The following ATXN2 variants were observed in gnomAD, a reference collection of about 807,000 sequenced individuals.
ATXN2 encodes ataxin-2.
Under a neutral mutation model 138.6 loss-of-function variants are expected in ATXN2, and 37 were observed. The ratio of observed to expected loss-of-function variants is 0.27; its 90% CI spans 0.21 to 0.35. The LOEUF is 0.35. Ranked by LOEUF, ATXN2 falls within the 10% of genes least tolerant of loss-of-function variation. The pLI, the probability that ATXN2 is intolerant of heterozygous loss-of-function variation, is 1.00. For synonymous variants in ATXN2, 549 were observed against 543.7 expected (o/e 1.01, Z -0.13); for missense variants, 1,216 against 1,480.3 (o/e 0.82, Z 2.93).
At chr12:111,555,796 A>T (rs1484592357) in intron 2 of ATXN2, 87 bp downstream of exon 2, 1 of 1,101,732 alleles carries the variant, frequency 9.1e-7, no homozygotes, top group Admixed American at 2.4e-5. Context: ...AAAAGAAGGG[A>T]ATCTTTTGCC....
intron 5 of ATXN2, among the ~76,000 whole-genome samples, chr12:111,543,121 T>C (rs1276987097): frequency 1.3e-5 from 2 of 152,170 alleles, no homozygotes; most frequent in African/African-American, 4.8e-5. Flanking sequence ...ATCTCTGTAC[T>C]GCCTCCATAC....
intron 14 of ATXN2, among the ~76,000 whole-genome samples, chr12:111,492,657 G>A (rs1878119227): frequency 6.6e-6 from 1 of 151,826 alleles, no homozygotes; most frequent in African/African-American, 2.4e-5. Context: ...ACTCCAGCCT[G>A]GGCGACAGAG....
In ATXN2 at chr12:111,579,260, CTTTA is replaced by C. The variant is rs143894346; in HGVS notation, c.251+19520_251+19523del. On this transcript the variant is annotated intron_variant, in intron 1 of 24. Coordinates refer to ENST00000673436, the MANE Select transcript of ATXN2 (RefSeq NM_001372574.1). ...ACCTGTACATAAATATTCATACCAG[CTTTA>C]TTTATTTATTTTTTTGAGACGGAGT... Among the ~76,000 whole-genome samples, 1,237 of 152,140 alleles carry C rather than the reference CTTTA, an allele frequency of 8.1e-3. 3 individuals carry two copies. The highest frequency in any genetic ancestry group is 0.01 in the Non-Finnish European group (704 of 67,988).
intron 7 of ATXN2, among the ~76,000 whole-genome samples, chr12:111,520,315 C>T (rs1880084618): frequency 6.6e-6 from 1 of 152,112 alleles, no homozygotes; most frequent in African/African-American, 2.4e-5. Context: ...AACTGTTCAC[C>T]ATAATCTCTG....
chr12:111,459,780 G>A (rs761905519), intron 21 of ATXN2, among the ~76,000 whole-genome samples: 33 of 151,442 alleles, frequency 2.2e-4, no homozygotes, highest in Non-Finnish European at 3.7e-4. Flanking sequence ...CTGTCACCCA[G>A]GCTGGAGTGC....
chr12:111,457,393 C>T (rs369927759), intron 21 of ATXN2, 34 bp from the exon 22 acceptor site: 41 of 1,574,298 alleles, frequency 2.6e-5, no homozygotes, highest in African/African-American at 6.8e-5. Context: ...TGTACACAAC[C>T]GATGTCTGAC....
chr12:111,457,409 C>A, intron 21 of ATXN2, 50 bp from the exon 22 acceptor site: 1 of 1,551,052 alleles, frequency 6.4e-7, no homozygotes, highest in South Asian at 1.2e-5. Flanking sequence ...CTGACAACCT[C>A]CATCGCTCCT....
At chr12:111,521,052 T>A in intron 6 of ATXN2, 79 bp from the exon 7 acceptor site, 1 of 830,064 alleles carries the variant, frequency 1.2e-6, no homozygotes, top group Non-Finnish European at 1.9e-6. Context: ...ACATCTATAT[T>A]AACAATATCT....
chr12:111,556,789 C>T (rs1158470481), intron 1 of ATXN2, among the ~76,000 whole-genome samples: 3 of 145,784 alleles, frequency 2.1e-5, no homozygotes, highest in South Asian at 2.2e-4. Context: ...GTACTCCAGC[C>T]GGGGTGACAG....
intron 1 of ATXN2, among the ~76,000 whole-genome samples, chr12:111,595,640 C>CAAA (rs35562762): frequency 2.5e-5 from 2 of 79,596 alleles, no homozygotes; most frequent in East Asian, 2.4e-4. Context: ...GACTCTGTCT[C>CAAA]AAAAAAAAAA....
At chr12:111,572,926 A>G (rs1004280125) in intron 1 of ATXN2, among the ~76,000 whole-genome samples, 3 of 152,166 alleles carry the variant, frequency 2.0e-5, no homozygotes, top group African/African-American at 4.8e-5. Flanking sequence ...AGCCCATGAT[A>G]TCGTACAACA....
chr12:111,520,776 T>A, intron 7 of ATXN2, 106 bp downstream of exon 7: 2 of 626,716 alleles, frequency 3.2e-6, no homozygotes, highest in Non-Finnish European at 5.2e-6. Context: ...AATTATTTCA[T>A]GTAATTGTTT....
At chr12:111,568,035 T>A (rs1468652325) in intron 1 of ATXN2, among the ~76,000 whole-genome samples, 1 of 151,734 alleles carries the variant, frequency 6.6e-6, no homozygotes, top group African/African-American at 2.4e-5. Flanking sequence ...CTGAGGCAGG[T>A]GGATTATCTG....
At chr12:111,580,458 A>G (rs982048021) in intron 1 of ATXN2, among the ~76,000 whole-genome samples, 2 of 150,928 alleles carry the variant, frequency 1.3e-5, no homozygotes, top group African/African-American at 4.9e-5. Flanking sequence ...GTAAGCTATG[A>G]TCGTGCCACT....
intron 1 of ATXN2, among the ~76,000 whole-genome samples, chr12:111,577,256 ATTATTTAT>A (rs151038991): frequency 2.0e-5 from 3 of 151,494 alleles, no homozygotes; most frequent in Non-Finnish European, 4.4e-5. Flanking sequence ...GCATGTTTCA[ATTATTTAT>A]TTATTTATTT....
chr12:111,463,925 T>A (rs1875781794), intron 21 of ATXN2, among the ~76,000 whole-genome samples: 1 of 152,182 alleles, frequency 6.6e-6, no homozygotes, highest in Admixed American at 6.5e-5. Flanking sequence ...TAGCTGAGAT[T>A]ATAGGCGCAT....
rs1308754374 is a variant in ATXN2, at chr12:111,453,358, G to C, written c.3439+319C>G. ...TGTCAGACTTTTGGGACTCAGGAAG[G>C]AAAACACTGCCCTGTCCAGCCTGTC... is the stretch of plus-strand genomic sequence containing the variant. On this transcript the variant is annotated intron_variant, in intron 24 of 24. Transcript: ENST00000673436. The surrounding 1 kb of genome is among the most constrained non-coding windows in gnomAD (Gnocchi z 5.4). 1 of 1,113,466 alleles carries C rather than the reference G, an allele frequency of 9.0e-7. No individual in the cohort carries two copies. Among genetic ancestry groups the C allele is most frequent in the Non-Finnish European group, 1.1e-6 (1 of 912,738 alleles). The allele number at this position is 1,113,466 out of a possible 1,614,324, so 69.0% of individuals were successfully genotyped here. A position where few individuals can be genotyped will look rare whatever the true frequency, so the allele number is the denominator to read the frequency against.
At chr12:111,494,992 G>GAT (rs2135710546) in intron 14 of ATXN2, among the ~76,000 whole-genome samples, 2 of 152,046 alleles carry the variant, frequency 1.3e-5, no homozygotes, top group African/African-American at 4.8e-5. Flanking sequence ...CCAATCAAAA[G>GAT]ATACAGAGTG....
Position 111,598,990 on chromosome 12 carries a change from C to A in ATXN2, c.45G>T (p.Gln15His). Residue 15 changes from glutamine to histidine, a missense_variant, in exon 1 of 25, where the codon CAG (glutamine) becomes CAT (histidine). Coordinates refer to ENST00000673436, the MANE Select transcript of ATXN2 (RefSeq NM_001372574.1). The surrounding 1 kb of genome is among the most constrained non-coding windows in gnomAD (Gnocchi z 4.5). The part of the protein sequence containing the change: ...PQQQQQQQQQ[Q>H]QQQQQQQQQQ... ...GCTGCTGCTGCTGTTGCTGCTGCTG[C>A]TGCTGCTGCTGCTGCTGCTGCTGCT... 7.0e-7 allele frequency: 1 copy of A among 1,430,228 alleles called. No individual in the cohort carries two copies. The allele number at this position is 1,430,228 out of a possible 1,614,324, so 88.6% of individuals were successfully genotyped here. A position where few individuals can be genotyped will look rare whatever the true frequency, so the allele number is the denominator to read the frequency against.
Sources: gnomAD v4.1 joint callset for allele counts (sites outside exome capture counted in the v4.1 genomes callset) on GRCh38, gnomAD v4.1.1 for gene constraint, Gnocchi (gnomAD v3.1) non-coding constraint, MANE v1.5 for transcripts, NCBI Gene and HGNC (gene_info 2026-07-23, HGNC 2026-07-21) for gene names.